Variants in FKBP5 observed in about 807,000 individuals in gnomAD.
FKBP5 encodes peptidyl-prolyl cis-trans isomerase FKBP5.
In FKBP5, 23 loss-of-function variants were observed where a neutral mutation model predicts 50.5. The observed-to-expected ratio is 0.46, with a 90% CI of 0.33 to 0.65. The LOEUF is 0.65. Ranked by LOEUF, FKBP5 falls within the 30% of genes least tolerant of loss-of-function variation. FKBP5 has a pLI of 0.02. For synonymous variants in FKBP5, 176 were observed against 190.6 expected (o/e 0.92, Z 0.63); for missense variants, 411 against 553.1 (o/e 0.74, Z 2.58).
At position 35,694,367 on chromosome 6, in the gene FKBP5, G is replaced by C. The variant is rs141196925; in HGVS notation, c.-20+25961C>G. Reference sequence around the variant, plus strand: ...TATTTGCAGAGACCAGGCTGGTCTCGAACTCCTGGCTTCAAGTGATCCTCT... The same window carrying C: ...TATTTGCAGAGACCAGGCTGGTCTCCAACTCCTGGCTTCAAGTGATCCTCT... On this transcript the variant is annotated intron_variant, in intron 2 of 11. Coordinates refer to the FKBP5 transcript ENST00000536438. Among the ~76,000 whole-genome samples the C allele has an allele frequency of 1.5e-3, 226 of 152,042 alleles. 1 individual carries two copies. The highest frequency in any genetic ancestry group is 0.014 in the Middle Eastern group (4 of 294).
chr6:35,581,070 GCTGTGTTTCAGTTAAA>G, intron 8 of FKBP5: 3 of 963,814 alleles, frequency 3.1e-6, no homozygotes, highest in Non-Finnish European at 3.7e-6. Context: ...AATGGGTGCA[GCTGTGTTTCAGTTAAA>G]CTGTACTTAC....
chr6:35,673,185 G>T (rs1765435477), intron 1 of FKBP5, among the ~76,000 whole-genome samples: 1 of 152,176 alleles, frequency 6.6e-6, no homozygotes, highest in African/African-American at 2.4e-5. Flanking sequence ...CATCTAGGTA[G>T]AAAAACAATG....
rs1435815470 is a variant in FKBP5 at position 35,714,236 on chromosome 6, G to A, written c.-20+6092C>T. Among the ~76,000 whole-genome samples the A allele has an allele frequency of 2.1e-5, 3 of 146,276 alleles. No homozygotes were observed. In the East Asian group the frequency reaches 6.1e-4, roughly 30 times the overall value. ...GGAGGCTGAGGTGGGTGGATCACCT[G>A]AGGTCAGGAGTTCAAGACCAGCCTG... On this transcript the variant is annotated intron_variant, in intron 2 of 11. Coordinates refer to the FKBP5 transcript ENST00000536438.
At chr6:35,578,114 G>C (rs1007991374) in intron 9 of FKBP5, among the ~76,000 whole-genome samples, 7 of 146,932 alleles carry the variant, frequency 4.8e-5, no homozygotes, top group African/African-American at 1.8e-4. Flanking sequence ...GTAAATTCTA[G>C]ATCAACCATA....
At chr6:35,576,218 G>A (rs45586932) in intron 10 of FKBP5, among the ~76,000 whole-genome samples, 5,472 of 152,092 alleles carry the variant, frequency 0.036, 132 homozygotes, top group African/African-American at 0.071. Flanking sequence ...TAGGGAGGCC[G>A]CCCTCTCTGC....
chr6:35,653,017 A>T (rs1346837645), intron 1 of FKBP5, among the ~76,000 whole-genome samples: 1 of 152,190 alleles, frequency 6.6e-6, no homozygotes, highest in East Asian at 1.9e-4. Context: ...ATAAGAAGGG[A>T]TATTATGATA....
intron 5 of FKBP5, 79 bp downstream of exon 5, chr6:35,619,017 A>AT (rs1002848155): frequency 4.4e-4 from 411 of 927,266 alleles, no homozygotes; most frequent in Non-Finnish European, 5.5e-4. Flanking sequence ...TTCTACAAAC[A>AT]TTTTTTTTTA....
chr6:35,659,742 G>C lies in FKBP5; in HGVS notation c.-19-16899C>G, dbSNP rs535221014. Among the ~76,000 whole-genome samples the C allele has an allele frequency of 2.4e-5, 2 of 84,652 alleles. 1 individual carries two copies. The highest frequency in any genetic ancestry group is 2.4e-4 in the Admixed American group (2 of 8,260). 55.5% of individuals were successfully genotyped at this position (84,652 alleles called of 152,430 possible). ...CTTTGTTAGCAATTCTTTCATTCTT[G>C]ATATTGGTAAGTTGTCTTCTCTCTC... On this transcript the variant is annotated intron_variant, in intron 1 of 10. Coordinates refer to ENST00000357266, the MANE Select transcript of FKBP5 (RefSeq NM_004117.4).
chr6:35,722,694 C>A (rs1435616367), intron 1 of FKBP5, among the ~76,000 whole-genome samples: 8 of 152,214 alleles, frequency 5.3e-5, no homozygotes, highest in African/African-American at 1.9e-4. Context: ...ACACACTGTT[C>A]CTTCTACCTG....
intron 1 of FKBP5, among the ~76,000 whole-genome samples, chr6:35,670,853 G>A (rs1167603950): frequency 1.3e-5 from 2 of 151,842 alleles, no homozygotes; most frequent in Non-Finnish European, 2.9e-5. Context: ...CTAAGAAAAA[G>A]GGAAAAAACT....
rs1020672211 is a variant in FKBP5, at chr6:35,576,964, CCACCTGCAGTCATCAGGCTCTGCACA to C, written c.1266+4_1266+29del. 2 of 1,607,598 alleles carry C rather than the reference CCACCTGCAGTCATCAGGCTCTGCACA, an allele frequency of 1.2e-6. No individual in the cohort carries two copies. On this transcript the variant is annotated splice_donor_5th_base_variant and intron_variant, in intron 10 of 10. Transcript: ENST00000357266. ...AAAGGGGCATGGTCAGGCTCTTGAT[CCACCTGCAGTCATCAGGCTCTGCACA>C]CACCTTGGCATCCTGCTCTGCAAAC...
At chr6:35,653,856 C>T (rs1340733916) in intron 1 of FKBP5, among the ~76,000 whole-genome samples, 1 of 152,046 alleles carries the variant, frequency 6.6e-6, no homozygotes, top group Non-Finnish European at 1.5e-5. Flanking sequence ...TTGACTCCAG[C>T]TCTTTAGAGG....
chr6:35,700,309 T>G (rs1039776265), intron 2 of FKBP5, among the ~76,000 whole-genome samples: 14 of 152,088 alleles, frequency 9.2e-5, no homozygotes, highest in Non-Finnish European at 1.8e-4. Context: ...TACAAGCATG[T>G]GCCACCACAC....
chr6:35,721,690 G>A (rs903393529), intron 1 of FKBP5, among the ~76,000 whole-genome samples: 12 of 152,168 alleles, frequency 7.9e-5, no homozygotes, highest in Admixed American at 5.2e-4. Flanking sequence ...CTGACCTCAG[G>A]TGATCTGCCC....
At position 35,623,305 on chromosome 6, in the gene FKBP5, G is replaced by A. The variant is rs377038147; in HGVS notation, c.251-3031C>T. Among the ~76,000 whole-genome samples, 6 of 152,248 alleles carry A rather than the reference G, an allele frequency of 3.9e-5. No individual in the cohort carries two copies. In the East Asian group the frequency reaches 7.7e-4, roughly 20 times the overall value. On this transcript the variant is annotated intron_variant, in intron 3 of 10. Coordinates refer to ENST00000357266, the MANE Select transcript of FKBP5 (RefSeq NM_004117.4). ...ACATCAAATGCATGGCACGGTGCCC[G>A]GCACATAATATGTATTTGATAAAGG...
At chr6:35,719,803 G>A (rs1249296224) in intron 2 of FKBP5, among the ~76,000 whole-genome samples, 1 of 152,206 alleles carries the variant, frequency 6.6e-6, no homozygotes, top group African/African-American at 2.4e-5. Context: ...AAGCTTGACT[G>A]CAACTCCCAT....
At chr6:35,626,296 A>G (rs1021802994) in intron 3 of FKBP5, among the ~76,000 whole-genome samples, 1 of 152,222 alleles carries the variant, frequency 6.6e-6, no homozygotes, top group African/African-American at 2.4e-5. Flanking sequence ...AGCCCAGTAT[A>G]AAAGCAATGC....
At chr6:35,627,196 C>T (rs1764026491) in intron 3 of FKBP5, among the ~76,000 whole-genome samples, 1 of 152,164 alleles carries the variant, frequency 6.6e-6, no homozygotes, top group Admixed American at 6.5e-5. Context: ...GGTAATACTT[C>T]ACTGTGGTTT....
intron 2 of FKBP5, among the ~76,000 whole-genome samples, chr6:35,699,789 GTTATC>G (rs774326172): frequency 3.9e-5 from 6 of 152,182 alleles, no homozygotes; most frequent in East Asian, 3.8e-4. Flanking sequence ...GCTCACGCCT[GTTATC>G]TTATCACTTT....
Sources: allele counts gnomAD v4.1 joint callset (sites outside exome capture counted in the v4.1 genomes callset), GRCh38; gene constraint gnomAD v4.1.1; transcripts MANE v1.5; gene names NCBI Gene and HGNC (gene_info 2026-07-23, HGNC 2026-07-21).